DMRT3: variants seen among roughly 807,000 people sequenced by gnomAD.
DMRT3 encodes the protein doublesex and mab-3 related transcription factor 3.
A neutral mutation model predicts 34.9 loss-of-function variants in DMRT3; 29 were observed. The ratio of observed to expected loss-of-function variants is 0.83; its 90% CI spans 0.62 to 1.13. The LOEUF (loss-of-function observed/expected upper bound fraction) is 1.13, where lower values mean the gene tolerates loss of function less well. Ranked by LOEUF, DMRT3 falls within the 50% of genes most tolerant of loss-of-function variation. The pLI is 0.00. For synonymous variants in DMRT3, 350 were observed against 286.0 expected, an observed-to-expected ratio of 1.22 and a Z score of -2.26; for missense variants, 772 against 629.1, an observed-to-expected ratio of 1.23 and a Z score of -2.43.
chr9:977,014 G>C lies in DMRT3; in HGVS notation c.13G>C (p.Gly5Arg). MNGYGSPYLYMGGPV... is the reference protein window; with the variant it reads MNGYRSPYLYMGGPV... ...GGGAGCCCGGGGCATGAACGGCTAC[G>C]GCTCCCCCTACCTGTACATGGGCGG... The change falls in exon 1 of 2, where the codon GGC becomes CGC. Residue 5 changes from glycine to arginine, a missense_variant. Coordinates refer to ENST00000190165, the MANE Select transcript of DMRT3 (RefSeq NM_021240.4). 2.0e-6 allele frequency: 3 copies of C among 1,515,978 alleles called. No homozygotes were observed. The highest frequency in any genetic ancestry group is 2.6e-6 in the Non-Finnish European group (3 of 1,132,970). The allele number at this position is 1,515,978 out of a possible 1,614,324, so 93.9% of individuals were successfully genotyped here.
At chr9:980,518 A>G (rs1205947371) in intron 1 of DMRT3, among the ~76,000 whole-genome samples, 1 of 152,112 alleles carries the variant, frequency 6.6e-6, no homozygotes, top group African/African-American at 2.4e-5. Flanking sequence ...TAAGCTATGT[A>G]TAGATATATT....
rs62530325 is a variant in DMRT3, at chr9:976,874, C to G, written c.-128C>G. The G allele has an allele frequency of 0.56, 581,170 of 1,030,288 alleles. 166,539 individuals carry two copies. The highest frequency in any genetic ancestry group is 0.7 in the Middle Eastern group (2,033 of 2,908). 63.8% of individuals were successfully genotyped at this position (1,030,288 alleles called of 1,614,324 possible). ...GGCCGCCCCGGAGCACACACGACCA[C>G]CGGGGCTGCGGGACCAAGGGCCGCG... On this transcript the variant is annotated 5_prime_UTR_variant, in exon 1 of 2. Coordinates refer to ENST00000190165, the MANE Select transcript of DMRT3 (RefSeq NM_021240.4). The surrounding 1 kb of genome is among the most constrained non-coding windows in gnomAD (Gnocchi z 4.5).
At position 990,786 on chromosome 9, in the gene DMRT3, G is replaced by T; in HGVS notation, c.1200G>T (p.Gln400His). ...TLWNTMTLQQ[Q>H]YQLRSQYVSP... ...GGAACACCATGACGCTGCAGCAGCA[G>T]TATCAGCTGAGGTCCCAGTATGTCA... Residue 400 changes from glutamine to histidine, a missense_variant, in exon 2 of 2, where the codon CAG becomes CAT. Physicochemically the swap from Gln to His is conservative, Grantham distance 24. Transcript: ENST00000190165. 2 of 1,614,078 alleles carry T rather than the reference G, an allele frequency of 1.2e-6. No homozygotes were observed. Among genetic ancestry groups the T allele is most frequent in the Non-Finnish European group, 1.7e-6 (2 of 1,180,042 alleles).
At chr9:989,336 C>T (rs930966045) in intron 1 of DMRT3, among the ~76,000 whole-genome samples, 140 of 152,314 alleles carry the variant, frequency 9.2e-4, no homozygotes, top group African/African-American at 3.1e-3. Context: ...AGCAACTTAT[C>T]CTGCCATCCG....
Position 976,842 on chromosome 9 carries a change from C to T in DMRT3, c.-160C>T. 3.1e-6 allele frequency: 2 copies of T among 644,874 alleles called. No individual in the cohort carries two copies. Among genetic ancestry groups the T allele is most frequent in the African/African-American group, 1.9e-5 (1 of 52,186 alleles). The allele number at this position is 644,874 out of a possible 1,614,324, so 39.9% of individuals were successfully genotyped here. On this transcript the variant is annotated 5_prime_UTR_variant, in exon 1 of 2. Coordinates refer to ENST00000190165, the MANE Select transcript of DMRT3 (RefSeq NM_021240.4). The surrounding 1 kb of genome is among the most constrained non-coding windows in gnomAD (Gnocchi z 4.5). The stretch of plus-strand genomic sequence containing the variant: ...AAGGGAGCTGGAGAGACGACTGCGG[C>T]ACCTCCGGCCGCCCCGGAGCACACA...
chr9:980,119 G>A (rs1056387314), intron 1 of DMRT3, among the ~76,000 whole-genome samples: 2 of 152,134 alleles, frequency 1.3e-5, no homozygotes, highest in Non-Finnish European at 2.9e-5. Flanking sequence ...AGAAGCACAT[G>A]GAGTCTTTCC....
Position 990,334 on chromosome 9 carries a change from C to A in DMRT3, c.748C>A (p.Pro250Thr), listed in dbSNP as rs1249995026. 6.2e-7 allele frequency: 1 copy of A among 1,613,754 alleles called. No homozygotes were observed. The highest frequency in any genetic ancestry group is 8.5e-7 in the Non-Finnish European group (1 of 1,180,052). The change falls in exon 2 of 2, where the codon CCG becomes ACG. Residue 250 changes from proline (P) to threonine (T), a missense_variant. Transcript: ENST00000190165. ...SLPFSLKANR[P>T]PLEVLKKIFP... Reference sequence around the variant, plus strand: ...GCCCTTCAGCTTGAAAGCCAACAGACCGCCGCTTGAAGTGTTAAAAAAGAT... The same window carrying A: ...GCCCTTCAGCTTGAAAGCCAACAGAACGCCGCTTGAAGTGTTAAAAAAGAT...
chr9:988,503 G>A (rs1043679050), intron 1 of DMRT3, among the ~76,000 whole-genome samples: 38 of 152,164 alleles, frequency 2.5e-4, no homozygotes, highest in African/African-American at 9.2e-4. Context: ...ACAAGTGTAG[G>A]AGAAGATGGT....
chr9:977,289 GCCC>G lies in DMRT3; in HGVS notation c.291_293del (p.Pro100del). 3 of 1,418,340 alleles carry G rather than the reference GCCC, an allele frequency of 2.1e-6. No homozygotes were observed. The highest frequency in any genetic ancestry group is 1.8e-6 in the Non-Finnish European group (2 of 1,081,238). 87.9% of individuals were successfully genotyped at this position (1,418,340 alleles called of 1,614,324 possible). A position where few individuals can be genotyped will look rare whatever the true frequency, so the allele number is the denominator to read the frequency against. ...CCGACTCGCTGCGCGCTCTGCCAGG[GCCC>G]CCGCCGCCGGGGGACGCCGTCGCCG... On this transcript the variant is annotated inframe_deletion, in exon 1 of 2. Coordinates refer to ENST00000190165, the MANE Select transcript of DMRT3 (RefSeq NM_021240.4).
At position 977,384 on chromosome 9, in the gene DMRT3, C is replaced by A. The variant is rs1394252726; in HGVS notation, c.383C>A (p.Ala128Asp). ...CCGCCGCGCCCTGCTGCCGAGTTGG[C>A]CGCGGCCGCCGCGCTGCGTTGGACT... ...PQPPRPAAEL[A>D]AAAALRWTAE... The change falls in exon 1 of 2, where the codon GCC (alanine) becomes GAC (aspartate). Residue 128 changes from alanine (A) to aspartate (D), a missense_variant. Ala to Asp is a moderately radical substitution (Grantham distance 126). Transcript: ENST00000190165. 8.1e-7 allele frequency: 1 copy of A among 1,231,562 alleles called. No homozygotes were observed. Among genetic ancestry groups the A allele is most frequent in the South Asian group, 3.9e-5 (1 of 25,330 alleles). 76.3% of individuals were successfully genotyped at this position (1,231,562 alleles called of 1,614,324 possible).
At chr9:982,431 T>TTACA (rs1820233441) in intron 1 of DMRT3, among the ~76,000 whole-genome samples, 2 of 152,226 alleles carry the variant, frequency 1.3e-5, no homozygotes, top group South Asian at 4.1e-4. Context: ...TGCTCTCGAC[T>TTACA]TACACAACCA....
rs113250253 is a variant in DMRT3, at chr9:979,922, C to G, written c.454+2467C>G. 8.5e-3 allele frequency among the ~76,000 whole-genome samples: 1,294 copies of G among 152,280 alleles called. 14 individuals carry two copies. The highest frequency in any genetic ancestry group is 0.029 in the African/African-American group (1,207 of 41,556). On this transcript the variant is annotated intron_variant, in intron 1 of 1. Coordinates refer to ENST00000190165, the MANE Select transcript of DMRT3 (RefSeq NM_021240.4). ...AACTAAGTGCAGAGAGTAAGCAGAACTCTATTGGAATGGTAGTTCCACATG... is the reference window on the plus strand; with the variant it reads ...AACTAAGTGCAGAGAGTAAGCAGAAGTCTATTGGAATGGTAGTTCCACATG...
chr9:986,254 G>C (rs1160560429), intron 1 of DMRT3, among the ~76,000 whole-genome samples: 1 of 152,072 alleles, frequency 6.6e-6, no homozygotes, highest in Non-Finnish European at 1.5e-5. Context: ...AGGTACAAGA[G>C]TGGAATTTTA....
intron 1 of DMRT3, 167 bp from the exon 2 acceptor site, chr9:989,874 T>G: frequency 2.6e-6 from 2 of 780,774 alleles, no homozygotes; most frequent in Admixed American, 3.1e-5. Flanking sequence ...TTTTGTTTCA[T>G]TTGCCAGTGA....
chr9:978,060 T>G (rs1246836928), intron 1 of DMRT3, among the ~76,000 whole-genome samples: 2 of 152,152 alleles, frequency 1.3e-5, no homozygotes, highest in Non-Finnish European at 2.9e-5. Flanking sequence ...TTGTAACTGG[T>G]GAAATAAGTT....
rs549368526 is a variant in DMRT3 at position 990,797 on chromosome 9, G to T, written c.1211G>T (p.Arg404Met). The change falls in exon 2 of 2, where the codon AGG becomes ATG. Residue 404 changes from arginine (R) to methionine (M), a missense_variant. By Grantham distance (91) the Arg-to-Met change is moderately conservative. Transcript: ENST00000190165. ...TMTLQQQYQL[R>M]SQYVSPFPSN... Reference sequence around the variant, plus strand: ...ACGCTGCAGCAGCAGTATCAGCTGAGGTCCCAGTATGTCAGTCCTTTCCCC... The same window carrying T: ...ACGCTGCAGCAGCAGTATCAGCTGATGTCCCAGTATGTCAGTCCTTTCCCC... 3 of 1,614,040 alleles carry T rather than the reference G, an allele frequency of 1.9e-6. No individual in the cohort carries two copies. The highest frequency in any genetic ancestry group is 2.2e-5 in the East Asian group (1 of 44,886).
chr9:989,824 C>T (rs560473292), intron 1 of DMRT3: 4 of 543,724 alleles, frequency 7.4e-6, no homozygotes, highest in Non-Finnish European at 9.4e-6. Flanking sequence ...CAAAGCATTC[C>T]AGGAAGCCAC....
At chr9:987,959 G>T (rs1237888239) in intron 1 of DMRT3, among the ~76,000 whole-genome samples, 1 of 152,176 alleles carries the variant, frequency 6.6e-6, no homozygotes, top group Non-Finnish European at 1.5e-5. Flanking sequence ...TATGGGTCAT[G>T]AGTCAGGAAC....
At chr9:978,184 C>T (rs1820176522) in intron 1 of DMRT3, among the ~76,000 whole-genome samples, 1 of 152,186 alleles carries the variant, frequency 6.6e-6, no homozygotes, top group Non-Finnish European at 1.5e-5. Context: ...TCCTTTAACA[C>T]TGTTCCCCAG....
Sources: allele counts gnomAD v4.1 joint callset (sites outside exome capture counted in the v4.1 genomes callset), GRCh38; gene constraint gnomAD v4.1.1; non-coding constraint Gnocchi (gnomAD v3.1); transcripts MANE v1.5; gene names NCBI Gene and HGNC (gene_info 2026-07-23, HGNC 2026-07-21).